Variants in APBA3 observed in about 807,000 individuals in gnomAD.
APBA3 encodes amyloid beta precursor protein binding family A member 3, also known as amyloid-beta A4 precursor protein-binding family A member 3.
In APBA3, 45 loss-of-function variants were observed where a neutral mutation model predicts 55.9. The observed-to-expected ratio is 0.80, with a 90% CI of 0.63 to 1.03. The LOEUF is 1.03. Ranked by LOEUF, APBA3 falls within the 50% of genes least tolerant of loss-of-function variation. APBA3 has a pLI of 0.00. For synonymous variants in APBA3, 370 were observed against 353.3 expected (o/e 1.05, Z -0.53); for missense variants, 865 against 820.3 (o/e 1.05, Z -0.67).
At chr19:3,754,146 C>G in intron 4 of APBA3, 41 bp from the exon 5 acceptor site, 1 of 1,555,236 alleles carries the variant, frequency 6.4e-7, no homozygotes, top group Non-Finnish European at 8.7e-7. Context: ...CCCACAGACC[C>G]AGCCTGCAGC....
Position 3,754,220 on chromosome 19 carries a change from G to A in APBA3, c.737C>T (p.Ala246Val). The change falls in exon 4 of 11, where the codon GCC (alanine) becomes GTC (valine). Residue 246 changes from alanine (A) to valine (V), a missense_variant. Ala to Val is a moderately conservative substitution (Grantham distance 64). Transcript: ENST00000316757. Reference protein sequence around the residue: ...NPPTSTRMAQAREAMDRVKAP... With the variant: ...NPPTSTRMAQVREAMDRVKAP... ...CTTGACGCGGTCCATGGCCTCCCGG[G>A]CCTGGGCCATGCGCGTGCTGGTGGG... 1 of 1,544,560 alleles carries A rather than the reference G, an allele frequency of 6.5e-7. No individual in the cohort carries two copies. Among genetic ancestry groups the A allele is most frequent in the Non-Finnish European group, 8.7e-7 (1 of 1,145,136 alleles).
Position 3,751,294 on chromosome 19 carries a change from A to G in APBA3, c.1551T>C (p.Arg517=), listed in dbSNP as rs528660156. The change falls in exon 10 of 11, where the codon CGT becomes CGC. Residue 517 remains arginine, a synonymous_variant. Coordinates refer to ENST00000316757, the MANE Select transcript of APBA3 (RefSeq NM_004886.4). ...TGCGGTGGCCGACGCGGATGCCCCC[A>G]CGCTCGGCGATGCCACCACGGAGGA... ...CSLLRGGIAE[R]GGIRVGHRII... The G allele has an allele frequency of 8.4e-6, 13 of 1,540,294 alleles. No homozygotes were observed. The South Asian group carries it at 1.5e-4, about 18-fold the overall frequency.
At chr19:3,752,369 C>G (rs1189343492) in intron 8 of APBA3, 139 bp downstream of exon 8, 1 of 768,584 alleles carries the variant, frequency 1.3e-6, no homozygotes, top group African/African-American at 1.8e-5. Flanking sequence ...TCCCCAAGGG[C>G]ACACCAGTGG....
At chr19:3,751,398 ACC>A (rs368571496) in intron 9 of APBA3, 34 bp downstream of exon 9, 1 of 1,510,678 alleles carries the variant, frequency 6.6e-7, no homozygotes. Flanking sequence ...GGGCCGCCCT[ACC>A]CCCCCACCCC....
chr19:3,753,333 C>T (rs540099838), intron 6 of APBA3: 115 of 412,974 alleles, frequency 2.8e-4, no homozygotes, highest in East Asian at 5.9e-4. Context: ...TTCGGGGAGT[C>T]GGCCGAGAGT....
intron 1 of APBA3, 23 bp from the exon 2 acceptor site, chr19:3,760,324 T>C (rs2145727350): frequency 1.4e-6 from 2 of 1,473,294 alleles, no homozygotes; most frequent in Non-Finnish European, 1.8e-6. Flanking sequence ...GAGTCAGCAC[T>C]GAGGTTTCGC....
chr19:3,759,744 G>A lies in APBA3; in HGVS notation c.521C>T (p.Pro174Leu). 3.7e-6 allele frequency: 6 copies of A among 1,612,642 alleles called. No individual in the cohort carries two copies. The highest frequency in any genetic ancestry group is 5.1e-6 in the Non-Finnish European group (6 of 1,179,834). Residue 174 changes from proline (P) to leucine (L), a missense_variant, in exon 2 of 11, where the codon CCC (proline) becomes CTC (leucine). By Grantham distance (98) the Pro-to-Leu change is moderately conservative. Coordinates refer to ENST00000316757, the MANE Select transcript of APBA3 (RefSeq NM_004886.4). ...GACTAGAGGCACCGTCTCCAGCCAG[G>A]GTTCCGGGGAACTGCTTGAGCTCCT... is the stretch of plus-strand genomic sequence containing the variant. ...GSRSSSSSPE[P>L]WLETVPLVTP... is the part of the protein sequence containing the mutation.
In APBA3 at chr19:3,750,976, C is replaced by T. The variant is rs1386928804; in HGVS notation, c.*50G>A. 27 of 1,533,178 alleles carry T rather than the reference C, an allele frequency of 1.8e-5. No homozygotes were observed. Among genetic ancestry groups the T allele is most frequent in the Non-Finnish European group, 2.4e-5 (27 of 1,130,172 alleles). The allele number at this position is 1,533,178 out of a possible 1,614,324, so 95.0% of individuals were successfully genotyped here. A position where few individuals can be genotyped will look rare whatever the true frequency, so the allele number is the denominator to read the frequency against. On this transcript the variant is annotated 3_prime_UTR_variant, in exon 11 of 11. Transcript: ENST00000316757. The stretch of plus-strand genomic sequence containing the variant: ...CAGCCAGGGCAGGCCCAGGATGGGG[C>T]TCCGGGGCCATGGAGGCGAAGGCAC...
chr19:3,758,365 T>G (rs1378917728), intron 3 of APBA3, among the ~76,000 whole-genome samples: 2 of 151,800 alleles, frequency 1.3e-5, no homozygotes, highest in African/African-American at 2.4e-5. Flanking sequence ...CTCAAGAACT[T>G]CTCCCGCCTC....
intron 8 of APBA3, among the ~76,000 whole-genome samples, chr19:3,752,292 T>G (rs2037016980): frequency 6.6e-6 from 1 of 151,858 alleles, no homozygotes; most frequent in African/African-American, 2.4e-5. Flanking sequence ...CCACCCGCAT[T>G]TCCATCCTGG....
chr19:3,753,305 C>A, intron 6 of APBA3: 1 of 465,524 alleles, frequency 2.1e-6, no homozygotes. Flanking sequence ...GCAGGGACAG[C>A]CCAGGAGCGG....
At chr19:3,760,910 CT>C (rs2037138615) in intron 1 of APBA3, among the ~76,000 whole-genome samples, 1 of 152,008 alleles carries the variant, frequency 6.6e-6, no homozygotes, top group South Asian at 2.1e-4. Flanking sequence ...GAGGCCCTGT[CT>C]TAAAAAAAAC....
At chr19:3,753,179 A>C in intron 6 of APBA3, 189 bp from the exon 7 acceptor site, 1 of 655,802 alleles carries the variant, frequency 1.5e-6, no homozygotes, top group Non-Finnish European at 2.6e-6. Flanking sequence ...TACGGGGAGA[A>C]GGAAGGGGAG....
At chr19:3,757,923 T>C (rs1363975733) in intron 3 of APBA3, among the ~76,000 whole-genome samples, 1 of 152,228 alleles carries the variant, frequency 6.6e-6, no homozygotes, top group Non-Finnish European at 1.5e-5. Context: ...ACTTTATTTA[T>C]GTACACTGAA....
rs202130821 is a variant in APBA3 at position 3,753,809 on chromosome 19, G to A, written c.967C>T (p.Arg323Cys). 442 of 1,573,020 alleles carry A rather than the reference G, an allele frequency of 2.8e-4. 1 individual carries two copies. Among genetic ancestry groups the A allele is most frequent in the Admixed American group, 9.3e-4 (49 of 52,618 alleles). The change falls in exon 6 of 11, where the codon CGC becomes TGC. Residue 323 changes from arginine to cysteine, a missense_variant. Physicochemically the swap from Arg to Cys is radical, Grantham distance 180. Transcript: ENST00000316757. ...TGGCAGAGCATCTTGTAGAGGCGGC[G>A]GCCGTGGTCCTGGGGTGCCGGCCTC... The part of the protein sequence containing the change: ...ARRPAPQDHG[R>C]RLYKMLCHVF...
chr19:3,752,633 C>A lies in APBA3; in HGVS notation c.1270G>T (p.Ala424Ser). 1 of 1,588,146 alleles carries A rather than the reference C, an allele frequency of 6.3e-7. No individual in the cohort carries two copies. The highest frequency in any genetic ancestry group is 8.5e-7 in the Non-Finnish European group (1 of 1,172,930). The change falls in exon 8 of 11, where the codon GCC (alanine) becomes TCC (serine). Residue 424 changes from alanine to serine, a missense_variant. By Grantham distance (99) the Ala-to-Ser change is moderately conservative. Coordinates refer to ENST00000316757, the MANE Select transcript of APBA3 (RefSeq NM_004886.4). The part of the protein sequence containing the change: ...WGSLLPTAVI[A>S]NLLHGGPAER... ...GCAGGCCCCCCGTGCAGCAGGTTGGCGATGACGGCTGTGGGCAGCAGGGAG... is the reference window on the plus strand; with the variant it reads ...GCAGGCCCCCCGTGCAGCAGGTTGGAGATGACGGCTGTGGGCAGCAGGGAG...
At position 3,760,060 on chromosome 19, in the gene APBA3, C is replaced by T. The variant is rs1267395074; in HGVS notation, c.205G>A (p.Gly69Ser). 2 of 1,613,266 alleles carry T rather than the reference C, an allele frequency of 1.2e-6. No homozygotes were observed. The highest frequency in any genetic ancestry group is 1.7e-5 in the Admixed American group (1 of 60,020). Residue 69 changes from glycine (G) to serine (S), a missense_variant, in exon 2 of 11, where the codon GGC (glycine) becomes AGC (serine). Coordinates refer to ENST00000316757, the MANE Select transcript of APBA3 (RefSeq NM_004886.4). ...ELVQQFEALP[G>S]DLVGPSPGGA... is the part of the protein sequence containing the mutation. ...CCTGGGGATGGGCCCACCAGATCGC[C>T]TGGCAGAGCTTCAAACTGCTGCACC...
At chr19:3,761,123 C>T (rs927276465) in intron 1 of APBA3, among the ~76,000 whole-genome samples, 1 of 152,082 alleles carries the variant, frequency 6.6e-6, no homozygotes, top group Non-Finnish European at 1.5e-5. Flanking sequence ...GCCCCTGTGT[C>T]ATCCCAGACC....
In APBA3 at chr19:3,754,054, T is replaced by C. The variant is rs200609002; in HGVS notation, c.814A>G (p.Thr272Ala). 9 of 1,611,236 alleles carry C rather than the reference T, an allele frequency of 5.6e-6. No individual in the cohort carries two copies. In the East Asian group the frequency reaches 1.6e-4, roughly 28 times the overall value. Residue 272 changes from threonine (T) to alanine (A), a missense_variant, in exon 5 of 11, where the codon ACC (threonine) becomes GCC (alanine). Physicochemically the swap from Thr to Ala is moderately conservative, Grantham distance 58. Coordinates refer to ENST00000316757, the MANE Select transcript of APBA3 (RefSeq NM_004886.4). ...GCTGTCAAGACCTTGATCCTCTTGGTGGAGACGAACAGGTCCACCTCCGTC... is the reference window on the plus strand; with the variant it reads ...GCTGTCAAGACCTTGATCCTCTTGGCGGAGACGAACAGGTCCACCTCCGTC... ...PMTEVDLFVSTKRIKVLTADS... is the reference protein window; with the variant it reads ...PMTEVDLFVSAKRIKVLTADS...
Sources: allele counts gnomAD v4.1 joint callset (sites outside exome capture counted in the v4.1 genomes callset), GRCh38; gene constraint gnomAD v4.1.1; transcripts MANE v1.5; gene names NCBI Gene and HGNC (gene_info 2026-07-23, HGNC 2026-07-21).